Variants in ATAD5 observed in about 807,000 individuals in gnomAD.
ATAD5 encodes the protein ATPase family AAA domain-containing protein 5.
Under a neutral mutation model 176.9 loss-of-function variants are expected in ATAD5, and 58 were observed. That is an observed-to-expected ratio of 0.33 (90% CI 0.27 to 0.41). The LOEUF (loss-of-function observed/expected upper bound fraction) is 0.41. ATAD5 is among the 10% of genes least tolerant of loss of function. The pLI, the probability that ATAD5 is intolerant of heterozygous loss-of-function variation, is 1.00. For synonymous variants in ATAD5, 640 were observed against 712.6 expected, an observed-to-expected ratio of 0.90 and a Z score of 1.62; for missense variants, 1,789 against 2,094.1, an observed-to-expected ratio of 0.85 and a Z score of 2.84.
chr17:30,847,796 T>C (rs1003162974), intron 6 of ATAD5, among the ~76,000 whole-genome samples: 5 of 148,970 alleles, frequency 3.4e-5, no homozygotes, highest in Non-Finnish European at 1.5e-5. Flanking sequence ...CTAGGCTCAC[T>C]GTAACCTCCG....
At chr17:30,850,260 T>C (rs1441960467) in intron 6 of ATAD5, among the ~76,000 whole-genome samples, 1 of 152,064 alleles carries the variant, frequency 6.6e-6, no homozygotes, top group Admixed American at 6.6e-5. Flanking sequence ...TATCTAGCTA[T>C]ACTTTTATAT....
intron 2 of ATAD5, 39 bp downstream of exon 2, chr17:30,836,087 A>T: frequency 6.8e-7 from 1 of 1,476,626 alleles, no homozygotes; most frequent in Non-Finnish European, 9.0e-7. Flanking sequence ...AGTATTCTGC[A>T]TGTATTATTA....
chr17:30,854,211 T>C (rs866494065), intron 6 of ATAD5, among the ~76,000 whole-genome samples: 48 of 147,128 alleles, frequency 3.3e-4, no homozygotes, highest in African/African-American at 1.1e-3. Flanking sequence ...AATTTTTATA[T>C]AATTATATAT....
chr17:30,876,123 C>T (rs1384337426), intron 14 of ATAD5, among the ~76,000 whole-genome samples: 3 of 151,370 alleles, frequency 2.0e-5, no homozygotes, highest in East Asian at 1.9e-4. Context: ...GGCGACGGAG[C>T]GAGACCCTGT....
intron 6 of ATAD5, among the ~76,000 whole-genome samples, chr17:30,845,157 T>C (rs1370342539): frequency 6.6e-6 from 1 of 152,176 alleles, no homozygotes; most frequent in African/African-American, 2.4e-5. Context: ...AAAAAGCTGA[T>C]AATGAATTTT....
intron 4 of ATAD5, among the ~76,000 whole-genome samples, chr17:30,841,058 AGAG>A (rs550458309): frequency 0.19 from 29,308 of 151,390 alleles, 3,476 homozygotes; most frequent in Non-Finnish European, 0.27. Context: ...TGCCCAGGCG[AGAG>A]TGCAATGGCT....
rs754137191 is a variant in ATAD5 at position 30,876,355 on chromosome 17, G to T, written c.3608-19G>T. 5.8e-6 allele frequency: 9 copies of T among 1,563,756 alleles called. No individual in the cohort carries two copies. In the East Asian group the frequency reaches 1.8e-4, roughly 32 times the overall value. ...ATTTTTAGAATATTTATCTTTAAGTGCAATTTGTTTTTGGGCAGAAAAAAT... is the reference window on the plus strand; with the variant it reads ...ATTTTTAGAATATTTATCTTTAAGTTCAATTTGTTTTTGGGCAGAAAAAAT... On this transcript the variant is annotated intron_variant, in intron 14 of 22. Coordinates refer to ENST00000321990, the MANE Select transcript of ATAD5 (RefSeq NM_024857.5).
chr17:30,880,622 A>T (rs1356501038), intron 18 of ATAD5, among the ~76,000 whole-genome samples: 1 of 151,868 alleles, frequency 6.6e-6, no homozygotes, highest in Non-Finnish European at 1.5e-5. Context: ...AAAAAAAAAA[A>T]AGAAAAAAGA....
At chr17:30,860,190 A>G (rs1907541861) in intron 9 of ATAD5, among the ~76,000 whole-genome samples, 1 of 152,006 alleles carries the variant, frequency 6.6e-6, no homozygotes, top group African/African-American at 2.4e-5. Context: ...CCCCTGGCTG[A>G]TTTTTGTATC....
At chr17:30,882,494 G>A (rs763825026) in intron 18 of ATAD5, among the ~76,000 whole-genome samples, 2 of 152,108 alleles carry the variant, frequency 1.3e-5, no homozygotes, top group Non-Finnish European at 2.9e-5. Flanking sequence ...GGAGGCTAAG[G>A]CAAGAGGATT....
At chr17:30,890,240 A>C (rs1472871700) in intron 19 of ATAD5, among the ~76,000 whole-genome samples, 3 of 151,816 alleles carry the variant, frequency 2.0e-5, no homozygotes, top group Non-Finnish European at 2.9e-5. Context: ...ATTCAGTGTA[A>C]GCCCATAGCT....
intron 8 of ATAD5, 110 bp downstream of exon 8, chr17:30,857,222 ATTTT>A: frequency 1.0e-6 from 1 of 962,574 alleles, no homozygotes; most frequent in Non-Finnish European, 1.4e-6. Context: ...CTAGAGTTTA[ATTTT>A]TTTTTTTTTT....
At chr17:30,839,771 C>T (rs1045620495) in intron 3 of ATAD5, among the ~76,000 whole-genome samples, 5 of 150,604 alleles carry the variant, frequency 3.3e-5, no homozygotes, top group Non-Finnish European at 7.4e-5. Context: ...TTAGTAGAGA[C>T]GGGGGTTTCG....
rs1433249412 is a variant in ATAD5 at position 30,834,722 on chromosome 17, T to G, written c.641T>G (p.Val214Gly). 6 of 1,613,534 alleles carry G rather than the reference T, an allele frequency of 3.7e-6. No individual in the cohort carries two copies. Among genetic ancestry groups the G allele is most frequent in the Non-Finnish European group, 4.2e-6 (5 of 1,179,768 alleles). Residue 214 changes from valine to glycine, a missense_variant, in exon 2 of 23, where the codon GTA becomes GGA. Val to Gly is a moderately radical substitution (Grantham distance 109). Around this residue, in one of 6 missense-constraint regions of ATAD5, gnomAD observed 696 missense variants for 712.5 expected, o/e 0.98. Coordinates refer to ENST00000321990, the MANE Select transcript of ATAD5 (RefSeq NM_024857.5). Reference sequence around the variant, plus strand: ...AGAAAAAGGAAATGCAGAGATGTAGTAGATCTATCTGAAAGCTTACCCTTG... The same window carrying G: ...AGAAAAAGGAAATGCAGAGATGTAGGAGATCTATCTGAAAGCTTACCCTTG... ...KLRKRKCRDV[V>G]DLSESLPLAE...
chr17:30,876,539 A>C lies in ATAD5; in HGVS notation c.3773A>C (p.Glu1258Ala). The change falls in exon 15 of 23, where the codon GAA becomes GCA. Residue 1258 changes from glutamate to alanine, a missense_variant. Glu to Ala is a moderately radical substitution (Grantham distance 107). Transcript: ENST00000321990. ...KNNEEIGMLL[E>A]NNKGIKNSFE... ...AATGAAGAAATAGGAATGCTTCTGG[A>C]AAATAATAAAGGTAAGACATTAAAT... 2.6e-6 allele frequency: 4 copies of C among 1,554,240 alleles called. No homozygotes were observed. The highest frequency in any genetic ancestry group is 3.5e-6 in the Non-Finnish European group (4 of 1,138,508).
At chr17:30,881,598 C>T (rs1412054503) in intron 18 of ATAD5, among the ~76,000 whole-genome samples, 12 of 152,092 alleles carry the variant, frequency 7.9e-5, no homozygotes, top group South Asian at 2.1e-4. Flanking sequence ...CCACCGCGCC[C>T]GACCCTGTTC....
Position 30,893,507 on chromosome 17 carries a change from T to C in ATAD5, c.4654T>C (p.Ser1552Pro). 1 of 1,612,752 alleles carries C rather than the reference T, an allele frequency of 6.2e-7. No homozygotes were observed. The highest frequency in any genetic ancestry group is 8.5e-7 in the Non-Finnish European group (1 of 1,179,626). Residue 1552 changes from serine to proline, a missense_variant, in exon 21 of 23, where the codon TCT becomes CCT. This residue lies in a region of ATAD5 where 403 missense variants were observed against 495.1 expected (regional missense o/e 0.81). Coordinates refer to ENST00000321990, the MANE Select transcript of ATAD5 (RefSeq NM_024857.5). ...TATGAATTGTCTTGCTAGGAAACAC[T>C]CTGAAAGAGAACAGCCATTGAAAAA... Reference protein sequence around the residue: ...KSMNCLARKHSEREQPLKKSQ... With the variant: ...KSMNCLARKHPEREQPLKKSQ...
At chr17:30,850,835 A>ATATATT (rs1906854660) in intron 6 of ATAD5, among the ~76,000 whole-genome samples, 1 of 4,768 alleles carries the variant, frequency 2.1e-4, no homozygotes, top group Non-Finnish European at 3.9e-4. Context: ...ATATATTTTT[A>ATATATT]TATATATATA....
Position 30,892,745 on chromosome 17 carries a change from A to G in ATAD5, c.4397A>G (p.Lys1466Arg), listed in dbSNP as rs1909705769. The G allele has an allele frequency of 4.4e-6, 7 of 1,579,928 alleles. No homozygotes were observed. The East Asian group carries it at 1.6e-4, about 37-fold the overall frequency. ...TGTGCTGAGACCTTGTTTGGCCTTA[A>G]GAACATTTTTTCCCCATCTGAAGAC... is the stretch of plus-strand genomic sequence containing the variant. ...SGCAETLFGL[K>R]NIFSPSEDLF... The change falls in exon 20 of 23, where the codon AAG (lysine) becomes AGG (arginine). Residue 1466 changes from lysine (K) to arginine (R), a missense_variant. By Grantham distance (26) the Lys-to-Arg change is conservative. Transcript: ENST00000321990.
Sources: gnomAD v4.1 joint callset for allele counts (sites outside exome capture counted in the v4.1 genomes callset) on GRCh38, gnomAD v4.1.1 for gene constraint, gnomAD v4.1.1 regional missense constraint, MANE v1.5 for transcripts, NCBI Gene and HGNC (gene_info 2026-07-23, HGNC 2026-07-21) for gene names.